Variants in OXGR1 observed in about 807,000 individuals in gnomAD.
The protein encoded by OXGR1 is oxoglutarate receptor 1.
A neutral mutation model predicts 10.0 loss-of-function variants in OXGR1; 10 were observed. That is an observed-to-expected ratio of 1.00 (90% CI 0.62 to 1.70). The LOEUF (loss-of-function observed/expected upper bound fraction) is 1.70, where lower values mean the gene tolerates loss of function less well. Ranked by LOEUF, OXGR1 falls within the 40% of genes most tolerant of loss-of-function variation. OXGR1 has a pLI of 0.00. For synonymous variants in OXGR1, 191 were observed against 155.9 expected (o/e 1.22, Z -1.68); for missense variants, 398 against 407.6 (o/e 0.98, Z 0.20).
In OXGR1 at chr13:96,986,929, C is replaced by A. The variant is rs77191607; in HGVS notation, c.831G>T (p.Glu277Asp). Residue 277 changes from glutamate to aspartate, a missense_variant, in exon 4 of 4, where the codon GAG (glutamate) becomes GAT (aspartate). Physicochemically the swap from Glu to Asp is conservative, Grantham distance 45 (BLOSUM62 2). Transcript: ENST00000541038. ...CGATGTAAGCTTCATGGATCTGATT[C>A]TCAATGGAACAACTGATTGAAAGCA... ...SRLLSISCSI[E>D]NQIHEAYIVS... The A allele has an allele frequency of 1.7e-5, 28 of 1,614,020 alleles. No individual in the cohort carries two copies. The East Asian group carries it at 4.9e-4, about 28-fold the overall frequency.
chr13:96,991,947 G>T (rs2138904799), intron 2 of OXGR1, among the ~76,000 whole-genome samples: 1 of 152,260 alleles, frequency 6.6e-6, no homozygotes, highest in East Asian at 1.9e-4. Context: ...GGTAGAACTG[G>T]AGGTCATTAT....
rs144457939 is a variant in OXGR1, at chr13:96,987,006, C to T, written c.754G>A (p.Val252Ile). 29 of 1,614,056 alleles carry T rather than the reference C, an allele frequency of 1.8e-5. No individual in the cohort carries two copies. Among genetic ancestry groups the T allele is most frequent in the Middle Eastern group, 1.6e-4 (1 of 6,084 alleles). ...LTILLLLAFY[V>I]CFLPFHILRV... is the part of the protein sequence containing the mutation. ...AAGATATGGAAGGGTAAAAAACATACGTAAAATGCAAGGAGTAGCAGAATG... is the reference window on the plus strand; with the variant it reads ...AAGATATGGAAGGGTAAAAAACATATGTAAAATGCAAGGAGTAGCAGAATG... The change falls in exon 4 of 4, where the codon GTA (valine) becomes ATA (isoleucine). Residue 252 changes from valine to isoleucine, a missense_variant. Physicochemically the swap from Val to Ile is conservative, Grantham distance 29. Coordinates refer to ENST00000541038, the MANE Select transcript of OXGR1 (RefSeq NM_001346194.2).
chr13:96,993,509 A>C (rs1004786358), intron 1 of OXGR1, among the ~76,000 whole-genome samples: 20 of 152,170 alleles, frequency 1.3e-4, no homozygotes, highest in South Asian at 6.2e-4. Flanking sequence ...GACGTGAGCC[A>C]CACACCCGGC....
In OXGR1 at chr13:96,989,305, T is replaced by C. The variant is rs118154083; in HGVS notation, c.-75+453A>G. Among the ~76,000 whole-genome samples, 156 of 152,274 alleles carry C rather than the reference T, an allele frequency of 1.0e-3. No homozygotes were observed. In the East Asian group the frequency reaches 0.015, roughly 15 times the overall value. On this transcript the variant is annotated intron_variant, in intron 3 of 3. Coordinates refer to ENST00000541038, the MANE Select transcript of OXGR1 (RefSeq NM_001346194.2). ...GAGGTATATTTCAAACTAACCCAAC[T>C]TGACAAATCCTAAATTAGCAGAATC...
intron 1 of OXGR1, among the ~76,000 whole-genome samples, chr13:96,993,611 G>A (rs1173473180): frequency 6.6e-6 from 1 of 152,128 alleles, no homozygotes; most frequent in Non-Finnish European, 1.5e-5. Context: ...ATATGGTTTT[G>A]CCTATTTATT....
At chr13:96,993,448 C>G (rs536470990) in intron 1 of OXGR1, among the ~76,000 whole-genome samples, 157 of 152,266 alleles carry the variant, frequency 1.0e-3, no homozygotes, top group African/African-American at 3.6e-3. Flanking sequence ...TCTCGAACTA[C>G]TGACCTCAGG....
intron 2 of OXGR1, among the ~76,000 whole-genome samples, chr13:96,991,506 C>T (rs957988012): frequency 6.6e-6 from 1 of 152,192 alleles, no homozygotes; most frequent in Non-Finnish European, 1.5e-5. Context: ...CCAATGGGTT[C>T]TTTGCAAGCA....
Position 96,987,525 on chromosome 13 carries a change from C to T in OXGR1, c.235G>A (p.Asp79Asn), listed in dbSNP as rs777378525. The T allele has an allele frequency of 3.1e-6, 5 of 1,614,154 alleles. No individual in the cohort carries two copies. The South Asian group carries it at 5.5e-5, about 18-fold the overall frequency. Reference sequence around the variant, plus strand: ...GGGAGGCTGGTCAGATACAGCAGATCTGTGCAGGCCAGGTTCAGCATAATG... The same window carrying T: ...GGGAGGCTGGTCAGATACAGCAGATTTGTGCAGGCCAGGTTCAGCATAATG... ...TIIMLNLACT[D>N]LLYLTSLPFL... Residue 79 changes from aspartate to asparagine, a missense_variant, in exon 4 of 4, where the codon GAT becomes AAT. Physicochemically the swap from Asp to Asn is conservative, Grantham distance 23. Coordinates refer to ENST00000541038, the MANE Select transcript of OXGR1 (RefSeq NM_001346194.2).
At position 96,987,728 on chromosome 13, in the gene OXGR1, G is replaced by A. The variant is rs942389519; in HGVS notation, c.32C>T (p.Ala11Val). The A allele has an allele frequency of 1.9e-6, 3 of 1,605,144 alleles. No homozygotes were observed. Among genetic ancestry groups the A allele is most frequent in the Non-Finnish European group, 2.6e-6 (3 of 1,175,040 alleles). MNEPLDYLANASDFPDYAAAF... is the reference protein window; with the variant it reads MNEPLDYLANVSDFPDYAAAF... Reference sequence around the variant, plus strand: ...AGCTGCATAATCGGGGAAATCAGAAGCATTTGCTAAATAGTCTAGTGGCTC... The same window carrying A: ...AGCTGCATAATCGGGGAAATCAGAAACATTTGCTAAATAGTCTAGTGGCTC... Residue 11 changes from alanine to valine, a missense_variant, in exon 4 of 4, where the codon GCT becomes GTT. Transcript: ENST00000541038.
At position 96,992,405 on chromosome 13, in the gene OXGR1, G is replaced by C. The variant is rs988930264; in HGVS notation, c.-127+17C>G. 1 of 152,110 alleles carries C rather than the reference G, an allele frequency of 6.6e-6. No homozygotes were observed. The highest frequency in any genetic ancestry group is 1.5e-5 in the Non-Finnish European group (1 of 68,018). The allele number at this position is 152,110 out of a possible 1,614,324, so 9.4% of individuals were successfully genotyped here. A position where few individuals can be genotyped will look rare whatever the true frequency, so the allele number is the denominator to read the frequency against. On this transcript the variant is annotated intron_variant, in intron 2 of 3. Coordinates refer to ENST00000541038, the MANE Select transcript of OXGR1 (RefSeq NM_001346194.2). ...ACAAAAATTAAGAAATAAAAAAATT[G>C]TTAAGAAAAAGCTTACAATTTTAGC...
intron 3 of OXGR1, among the ~76,000 whole-genome samples, chr13:96,988,465 A>G (rs1257105490): frequency 2.0e-5 from 3 of 152,232 alleles, no homozygotes; most frequent in Non-Finnish European, 2.9e-5. Flanking sequence ...AAAATGCTGA[A>G]TACTGTAAAT....
Position 96,987,795 on chromosome 13 carries a change from G to T in OXGR1, c.-36C>A. The T allele has an allele frequency of 6.6e-7, 1 of 1,524,108 alleles. No homozygotes were observed. The highest frequency in any genetic ancestry group is 8.8e-7 in the Non-Finnish European group (1 of 1,137,440). The allele number at this position is 1,524,108 out of a possible 1,614,324, so 94.4% of individuals were successfully genotyped here. A position where few individuals can be genotyped will look rare whatever the true frequency, so the allele number is the denominator to read the frequency against. On this transcript the variant is annotated 5_prime_UTR_variant, in exon 4 of 4. Coordinates refer to ENST00000541038, the MANE Select transcript of OXGR1 (RefSeq NM_001346194.2). ...TTTCATCTTGCAAGAAAACAAGAGA[G>T]TTCAGTTTGGCAATATGAATCAAAT...
intron 2 of OXGR1, among the ~76,000 whole-genome samples, chr13:96,991,463 C>G (rs1185930268): frequency 6.6e-6 from 1 of 152,230 alleles, no homozygotes; most frequent in Non-Finnish European, 1.5e-5. Flanking sequence ...AACAGTAGTT[C>G]TCAAACGTGA....
At position 96,994,392 on chromosome 13, in the gene OXGR1, C is replaced by T. The variant is rs1230170723; in HGVS notation, c.-372G>A. On this transcript the variant is annotated 5_prime_UTR_variant, in exon 1 of 4. Coordinates refer to ENST00000541038, the MANE Select transcript of OXGR1 (RefSeq NM_001346194.2). ...CCTGTCCCGGGGAGGCTGCGCACCGCCCCGCCCCTCCCACCCCTCCGAGGC... is the reference window on the plus strand; with the variant it reads ...CCTGTCCCGGGGAGGCTGCGCACCGTCCCGCCCCTCCCACCCCTCCGAGGC... 7.0e-6 allele frequency: 1 copy of T among 141,902 alleles called. No individual in the cohort carries two copies. The highest frequency in any genetic ancestry group is 2.5e-4 in the East Asian group (1 of 4,056). 8.8% of individuals were successfully genotyped at this position (141,902 alleles called of 1,614,324 possible).
rs1279892442 is a variant in OXGR1 at position 96,987,735 on chromosome 13, C to T, written c.25G>A (p.Ala9Thr). ...TAATCGGGGAAATCAGAAGCATTTG[C>T]TAAATAGTCTAGTGGCTCATTCATG... is the stretch of plus-strand genomic sequence containing the variant. MNEPLDYL[A>T]NASDFPDYAA... The change falls in exon 4 of 4, where the codon GCA (alanine) becomes ACA (threonine). Residue 9 changes from alanine to threonine, a missense_variant. Physicochemically the swap from Ala to Thr is moderately conservative, Grantham distance 58 (BLOSUM62 0). Transcript: ENST00000541038. 2.5e-6 allele frequency: 4 copies of T among 1,599,288 alleles called. No homozygotes were observed. The highest frequency in any genetic ancestry group is 8.5e-7 in the Non-Finnish European group (1 of 1,171,786).
In OXGR1 at chr13:96,987,792, A is replaced by G; in HGVS notation, c.-33T>C. On this transcript the variant is annotated 5_prime_UTR_variant, in exon 4 of 4. Coordinates refer to ENST00000541038, the MANE Select transcript of OXGR1 (RefSeq NM_001346194.2). ...TCCTTTCATCTTGCAAGAAAACAAG[A>G]GAGTTCAGTTTGGCAATATGAATCA... The G allele has an allele frequency of 6.5e-7, 1 of 1,529,962 alleles. No individual in the cohort carries two copies. The highest frequency in any genetic ancestry group is 8.8e-7 in the Non-Finnish European group (1 of 1,140,520). 94.8% of individuals were successfully genotyped at this position (1,529,962 alleles called of 1,614,324 possible). A position where few individuals can be genotyped will look rare whatever the true frequency, so the allele number is the denominator to read the frequency against.
At chr13:96,990,717 G>A (rs1301654891) in intron 2 of OXGR1, among the ~76,000 whole-genome samples, 1 of 152,112 alleles carries the variant, frequency 6.6e-6, no homozygotes, top group African/African-American at 2.4e-5. Context: ...GCTGAGGCAG[G>A]CGGATCGCCC....
rs189186212 is a variant in OXGR1 at position 96,986,704 on chromosome 13, G to T, written c.*42C>A. The T allele has an allele frequency of 3.8e-5, 59 of 1,548,274 alleles. No individual in the cohort carries two copies. The East Asian group carries it at 1.3e-3, about 33-fold the overall frequency. On this transcript the variant is annotated 3_prime_UTR_variant, in exon 4 of 4. Transcript: ENST00000541038. Reference sequence around the variant, plus strand: ...TGAACATCTTAGGATGCTAGGTAAAGTATCAGCAAGTATTTGTTTTTGGTT... The same window carrying T: ...TGAACATCTTAGGATGCTAGGTAAATTATCAGCAAGTATTTGTTTTTGGTT...
At chr13:96,993,147 C>A (rs918290423) in intron 1 of OXGR1, among the ~76,000 whole-genome samples, 1 of 152,186 alleles carries the variant, frequency 6.6e-6, no homozygotes, top group African/African-American at 2.4e-5. Flanking sequence ...ATCTTTCTCC[C>A]CAACCCTTCT....
Sources: allele counts gnomAD v4.1 joint callset (sites outside exome capture counted in the v4.1 genomes callset), GRCh38; gene constraint gnomAD v4.1.1; transcripts MANE v1.5; gene names NCBI Gene and HGNC (gene_info 2026-07-23, HGNC 2026-07-21).